B3GALT1: variants seen among roughly 807,000 people sequenced by gnomAD.
B3GALT1 encodes the protein beta-1,3-galactosyltransferase 1, also known as UDP-Gal:betaGlcNAc beta 1,3-galactosyltransferase, polypeptide 1.
In B3GALT1, 10 loss-of-function variants were observed where a neutral mutation model predicts 23.2. The observed-to-expected ratio is 0.43, with a 90% CI of 0.27 to 0.73. The LOEUF is 0.73. Ranked by LOEUF, B3GALT1 falls within the 30% of genes least tolerant of loss-of-function variation. B3GALT1 has a pLI of 0.21. For synonymous variants in B3GALT1, 156 were observed against 141.5 expected (o/e 1.10, Z -0.73); for missense variants, 299 against 405.4 (o/e 0.74, Z 2.25).
At chr2:167,739,151 G>T (rs1331157585) in intron 3 of B3GALT1, among the ~76,000 whole-genome samples, 2 of 152,096 alleles carry the variant, frequency 1.3e-5, no homozygotes, top group Non-Finnish European at 2.9e-5. Flanking sequence ...AAATAAATTG[G>T]CTATCATTCT....
At chr2:167,477,078 G>A (rs1699497959) in intron 1 of B3GALT1, among the ~76,000 whole-genome samples, 1 of 152,126 alleles carries the variant, frequency 6.6e-6, no homozygotes, top group Non-Finnish European at 1.5e-5. Context: ...TCAAAATGAG[G>A]AGCAAAAGCT....
At chr2:167,545,342 G>T (rs1381836329) in intron 2 of B3GALT1, among the ~76,000 whole-genome samples, 1 of 151,942 alleles carries the variant, frequency 6.6e-6, no homozygotes, top group African/African-American at 2.4e-5. Flanking sequence ...TGTGCCTTGG[G>T]TGTCTTATGC....
Position 167,635,448 on chromosome 2 carries a change from A to G in B3GALT1, c.-409-11461A>G, listed in dbSNP as rs192370442. ...GACGACATGATTGTATATTTAAAAA[A>G]CCCTATTGTCTCAGCCCGAAATCTC... On this transcript the variant is annotated intron_variant, in intron 2 of 4. Coordinates refer to ENST00000392690, the MANE Select transcript of B3GALT1 (RefSeq NM_020981.4). Among the ~76,000 whole-genome samples the G allele has an allele frequency of 2.2e-3, 332 of 152,162 alleles. 1 individual carries two copies. The highest frequency in any genetic ancestry group is 7.8e-3 in the African/African-American group (323 of 41,512).
Position 167,868,882 on chromosome 2 carries a change from T to G in B3GALT1, c.-158T>G. 1.3e-6 allele frequency: 1 copy of G among 791,582 alleles called. No homozygotes were observed. The allele number at this position is 791,582 out of a possible 1,614,324, so 49.0% of individuals were successfully genotyped here. A position where few individuals can be genotyped will look rare whatever the true frequency, so the allele number is the denominator to read the frequency against. ...GAAGAAAGTAGAATGAGCGCAGAGGTGACAGACAGCCACTGAGGCCCATGG... is the reference window on the plus strand; with the variant it reads ...GAAGAAAGTAGAATGAGCGCAGAGGGGACAGACAGCCACTGAGGCCCATGG... On this transcript the variant is annotated 5_prime_UTR_variant, in exon 5 of 5. Transcript: ENST00000392690.
chr2:167,745,605 A>G (rs1325239388), intron 3 of B3GALT1, among the ~76,000 whole-genome samples: 1 of 152,134 alleles, frequency 6.6e-6, no homozygotes, highest in Non-Finnish European at 1.5e-5. Context: ...ATTTGAAGAT[A>G]TTCTATTGGC....
At chr2:167,340,327 A>C (rs990668496) in intron 1 of B3GALT1, among the ~76,000 whole-genome samples, 3 of 151,516 alleles carry the variant, frequency 2.0e-5, no homozygotes, top group East Asian at 3.9e-4. Context: ...AAAAAAAAAA[A>C]AAAAAAAACA....
At chr2:167,638,290 A>G (rs79206706) in intron 2 of B3GALT1, among the ~76,000 whole-genome samples, 2,324 of 152,214 alleles carry the variant, frequency 0.015, 71 homozygotes, top group African/African-American at 0.053. Context: ...GTGAAGCAGC[A>G]CTGCTAAAAC....
intron 2 of B3GALT1, among the ~76,000 whole-genome samples, chr2:167,627,176 G>T (rs116156051): frequency 1.3e-5 from 2 of 151,566 alleles, no homozygotes; most frequent in African/African-American, 4.8e-5. Context: ...GTGTGTGTCA[G>T]TTTTTTTATA....
Position 167,515,926 on chromosome 2 carries a change from C to T in B3GALT1, c.-410+25649C>T, listed in dbSNP as rs145582427. Among the ~76,000 whole-genome samples, 5 of 152,188 alleles carry T rather than the reference C, an allele frequency of 3.3e-5. No homozygotes were observed. The East Asian group carries it at 9.7e-4, about 29-fold the overall frequency. On this transcript the variant is annotated intron_variant, in intron 2 of 4. Transcript: ENST00000392690. ...CAACGTGATTAGGTCACAACACAAA[C>T]CTTCCTAAATTTTCTAGGCCTATCT...
intron 1 of B3GALT1, among the ~76,000 whole-genome samples, chr2:167,467,470 C>T (rs141247041): frequency 1.4e-4 from 22 of 152,148 alleles, no homozygotes; most frequent in Non-Finnish European, 3.2e-4. Context: ...GTTACTCCTA[C>T]GTGTTTGTAA....
intron 2 of B3GALT1, among the ~76,000 whole-genome samples, chr2:167,621,198 GC>G (rs1209426665): frequency 2.7e-5 from 4 of 147,214 alleles, no homozygotes; most frequent in Non-Finnish European, 5.9e-5. Context: ...AAGCAATCCT[GC>G]CACGTCAGCC....
chr2:167,392,897 C>G (rs1021028846), intron 1 of B3GALT1, among the ~76,000 whole-genome samples: 2 of 152,080 alleles, frequency 1.3e-5, no homozygotes, highest in Non-Finnish European at 2.9e-5. Context: ...CTAGAACGAA[C>G]ACTTGTGAAA....
At chr2:167,836,920 C>A (rs1574291548) in intron 4 of B3GALT1, among the ~76,000 whole-genome samples, 2 of 151,872 alleles carry the variant, frequency 1.3e-5, no homozygotes, top group South Asian at 2.1e-4. Flanking sequence ...TCATATCCAG[C>A]CAAACTAAGC....
chr2:167,313,774 G>C (rs1696668403), intron 1 of B3GALT1, among the ~76,000 whole-genome samples: 1 of 152,144 alleles, frequency 6.6e-6, no homozygotes, highest in Admixed American at 6.5e-5. Context: ...CAACAAGCTA[G>C]TTTTCCAACA....
At chr2:167,675,607 T>A (rs537800449) in intron 3 of B3GALT1, among the ~76,000 whole-genome samples, 1 of 152,182 alleles carries the variant, frequency 6.6e-6, no homozygotes, top group Non-Finnish European at 1.5e-5. Context: ...TGAGCAGTGT[T>A]ACTGTCCTGT....
At chr2:167,339,341 C>T (rs73017750) in intron 1 of B3GALT1, among the ~76,000 whole-genome samples, 2,107 of 150,462 alleles carry the variant, frequency 0.014, 58 homozygotes, top group African/African-American at 0.049. Flanking sequence ...ATAGTTTAAA[C>T]ATAATACAAC....
Position 167,752,837 on chromosome 2 carries a change from G to C in B3GALT1, c.-351-65835G>C, listed in dbSNP as rs192260110. Among the ~76,000 whole-genome samples the C allele has an allele frequency of 2.5e-3, 383 of 152,324 alleles. 3 individuals carry two copies. Among genetic ancestry groups the C allele is most frequent in the African/African-American group, 8.8e-3 (365 of 41,586 alleles). On this transcript the variant is annotated intron_variant, in intron 3 of 4. Coordinates refer to ENST00000392690, the MANE Select transcript of B3GALT1 (RefSeq NM_020981.4). ...GGGAGCTGCGGTTGAACTGACAGAG[G>C]CAGAGGAAGTGAATTTGAGATAAAC... is the stretch of plus-strand genomic sequence containing the variant.
At chr2:167,533,212 C>T (rs993348281) in intron 2 of B3GALT1, among the ~76,000 whole-genome samples, 1 of 152,082 alleles carries the variant, frequency 6.6e-6, no homozygotes. Flanking sequence ...TGACTCATTT[C>T]ACTAGCTAGG....
intron 2 of B3GALT1, among the ~76,000 whole-genome samples, chr2:167,621,795 T>G (rs543990593): frequency 1.2e-4 from 19 of 152,178 alleles, no homozygotes; most frequent in Admixed American, 2.0e-4. Context: ...TTGGCACTTC[T>G]AACTGCTGCT....
Sources: gnomAD v4.1 joint callset for allele counts (sites outside exome capture counted in the v4.1 genomes callset) on GRCh38, gnomAD v4.1.1 for gene constraint, MANE v1.5 for transcripts, NCBI Gene and HGNC (gene_info 2026-07-23, HGNC 2026-07-21) for gene names.